Variants in PTPRD observed in about 807,000 individuals in gnomAD.
PTPRD encodes the protein receptor-type tyrosine-protein phosphatase delta.
In PTPRD, 34 loss-of-function variants were observed where a neutral mutation model predicts 214.5. The ratio of observed to expected loss-of-function variants is 0.16; its 90% CI spans 0.12 to 0.21. PTPRD has a LOEUF of 0.21. Ranked by LOEUF, PTPRD falls within the 10% of genes least tolerant of loss-of-function variation. The pLI is 1.00. For synonymous variants in PTPRD, 1,128 were observed against 845.7 expected (o/e 1.33, Z -5.79); for missense variants, 2,545 against 2,398.7 (o/e 1.06, Z -1.27).
At chr9:9,360,902 A>C (rs2055876754) in intron 9 of PTPRD, among the ~76,000 whole-genome samples, 1 of 151,068 alleles carries the variant, frequency 6.6e-6, no homozygotes, top group South Asian at 2.1e-4. Context: ...GCTTAAGGCA[A>C]AGCACTGAAG....
chr9:10,464,050 C>T (rs2098976859), intron 2 of PTPRD, among the ~76,000 whole-genome samples: 1 of 151,934 alleles, frequency 6.6e-6, no homozygotes, highest in African/African-American at 2.4e-5. Flanking sequence ...AGTACAAATA[C>T]CTATAACTAT....
intron 9 of PTPRD, among the ~76,000 whole-genome samples, chr9:9,276,673 C>A (rs922137622): frequency 6.6e-6 from 1 of 151,326 alleles, no homozygotes; most frequent in East Asian, 2.0e-4. Context: ...GTACCTCTTT[C>A]TCCACTTGGC....
At chr9:9,075,792 T>G (rs561590421) in intron 10 of PTPRD, among the ~76,000 whole-genome samples, 34 of 152,228 alleles carry the variant, frequency 2.2e-4, no homozygotes, top group Non-Finnish European at 4.6e-4. Context: ...TGCCACATTT[T>G]CTTAATTCAG....
intron 2 of PTPRD, among the ~76,000 whole-genome samples, chr9:10,356,671 A>C (rs892055512): frequency 1.3e-5 from 2 of 151,880 alleles, no homozygotes; most frequent in Non-Finnish European, 2.9e-5. Context: ...ATTCATAAAA[A>C]TGTTTTTTTT....
In PTPRD at chr9:10,343,978, G is replaced by GTTTTTTT. The variant is rs139613939; in HGVS notation, c.-599-2968_-599-2962dup. Among the ~76,000 whole-genome samples the GTTTTTTT allele has an allele frequency of 1.8e-3, 56 of 31,682 alleles. 9 individuals carry two copies. The highest frequency in any genetic ancestry group is 2.3e-3 in the Non-Finnish European group (38 of 16,822). The allele number at this position is 31,682 out of a possible 152,430, so 20.8% of individuals were successfully genotyped here. ...AGGTTGCCTGTTCATTCTGATGGTA[G>GTTTTTTT]TTTTTTTTTTTTTTTTTTTTTTTTT... On this transcript the variant is annotated intron_variant, in intron 2 of 45. Coordinates refer to ENST00000381196, the MANE Select transcript of PTPRD (RefSeq NM_002839.4).
chr9:8,618,896 G>T (rs1387485833), intron 14 of PTPRD, among the ~76,000 whole-genome samples: 1 of 122,854 alleles, frequency 8.1e-6, no homozygotes, highest in African/African-American at 3.2e-5. Flanking sequence ...GTGTGTGTGT[G>T]TTTGTCTGTG....
chr9:9,609,155 T>C (rs2094368738), intron 7 of PTPRD, among the ~76,000 whole-genome samples: 2 of 152,178 alleles, frequency 1.3e-5, no homozygotes, highest in South Asian at 4.1e-4. Context: ...GTAGTGATTA[T>C]CCCTGACATT....
At chr9:9,201,878 T>A (rs895766504) in intron 9 of PTPRD, among the ~76,000 whole-genome samples, 2 of 152,194 alleles carry the variant, frequency 1.3e-5, no homozygotes, top group Admixed American at 1.3e-4. Context: ...CTGGAAGCTG[T>A]GGAGCACAGC....
chr9:8,379,370 G>C (rs907947406), intron 37 of PTPRD, among the ~76,000 whole-genome samples: 7 of 151,938 alleles, frequency 4.6e-5, no homozygotes, highest in Non-Finnish European at 1.0e-4. Context: ...CTCATTCTCT[G>C]AGTAGCCTGC....
chr9:8,349,620 G>A (rs913084216), intron 39 of PTPRD, among the ~76,000 whole-genome samples: 6 of 152,040 alleles, frequency 3.9e-5, no homozygotes, highest in Non-Finnish European at 8.8e-5. Context: ...TCTGTTTTCT[G>A]TCAGAGTAGT....
chr9:10,162,087 T>C (rs1157588306), intron 3 of PTPRD, among the ~76,000 whole-genome samples: 1 of 151,654 alleles, frequency 6.6e-6, no homozygotes, highest in Non-Finnish European at 1.5e-5. Flanking sequence ...TTGCACACTA[T>C]TGGTGCAGGT....
chr9:8,671,836 T>G (rs932919648), intron 12 of PTPRD, among the ~76,000 whole-genome samples: 9 of 152,178 alleles, frequency 5.9e-5, no homozygotes, highest in Non-Finnish European at 1.0e-4. Context: ...AAGGACCCTA[T>G]TTTTATACTT....
At position 9,113,140 on chromosome 9, in the gene PTPRD, T is replaced by A. The variant is rs1050475109; in HGVS notation, c.-143+70164A>T. On this transcript the variant is annotated intron_variant, in intron 10 of 45. Coordinates refer to ENST00000381196, the MANE Select transcript of PTPRD (RefSeq NM_002839.4). ...CCACCATGCCCGGCTAATTAAAAAA[T>A]ATATATATATTATTTTTTAGAGATG... Among the ~76,000 whole-genome samples the A allele has an allele frequency of 2.1e-4, 30 of 145,586 alleles. 1 individual carries two copies. The highest frequency in any genetic ancestry group is 1.3e-3 in the South Asian group (6 of 4,518).
At chr9:9,078,724 A>G (rs1308736460) in intron 10 of PTPRD, among the ~76,000 whole-genome samples, 2 of 152,038 alleles carry the variant, frequency 1.3e-5, no homozygotes, top group Non-Finnish European at 2.9e-5. Flanking sequence ...TATCAGCAAT[A>G]TGGTTGCAAC....
At chr9:10,601,160 T>C (rs1341382543) in intron 2 of PTPRD, among the ~76,000 whole-genome samples, 1 of 151,752 alleles carries the variant, frequency 6.6e-6, no homozygotes. Context: ...TGATCATATT[T>C]GCATTTTAAA....
At chr9:9,062,572 C>G in intron 10 of PTPRD, among the ~76,000 whole-genome samples, 1 of 133,700 alleles carries the variant, frequency 7.5e-6, no homozygotes, top group South Asian at 2.2e-4. Context: ...ATCTATCTAT[C>G]TATCTATCTA....
chr9:8,691,149 C>T (rs1011736640), intron 12 of PTPRD, among the ~76,000 whole-genome samples: 3 of 152,020 alleles, frequency 2.0e-5, no homozygotes, highest in Admixed American at 2.0e-4. Flanking sequence ...GCCACATCCC[C>T]GAATATTCCC....
chr9:8,331,120 T>G (rs1840263592), intron 44 of PTPRD, among the ~76,000 whole-genome samples: 1 of 152,032 alleles, frequency 6.6e-6, no homozygotes, highest in Admixed American at 6.6e-5. Context: ...GCAAATTGCA[T>G]TTTTTAACTG....
chr9:8,766,363 G>T (rs1164480297), intron 11 of PTPRD, among the ~76,000 whole-genome samples: 1 of 152,022 alleles, frequency 6.6e-6, no homozygotes, highest in African/African-American at 2.4e-5. Flanking sequence ...GAGTAAGTAT[G>T]TGTGAGTGTA....
Sources: gnomAD v4.1 joint callset for allele counts (sites outside exome capture counted in the v4.1 genomes callset) on GRCh38, gnomAD v4.1.1 for gene constraint, MANE v1.5 for transcripts, NCBI Gene and HGNC (gene_info 2026-07-23, HGNC 2026-07-21) for gene names.